Variants in GLRA2 observed in about 807,000 individuals in gnomAD.
GLRA2 encodes the protein glycine receptor alpha 2, also known as glycine receptor subunit alpha-2.
Under a neutral mutation model 31.6 loss-of-function variants are expected in GLRA2, and 11 were observed. The ratio of observed to expected loss-of-function variants is 0.35; its 90% confidence interval spans 0.22 to 0.58. GLRA2 has a LOEUF of 0.58. Among genes scored for constraint, GLRA2 ranks in the 20% least tolerant of loss-of-function variants. GLRA2 has a pLI of 0.84. For synonymous variants in GLRA2, 132 were observed against 134.0 expected (o/e 0.99, Z 0.10); for missense variants, 212 against 351.8 (o/e 0.60, Z 3.18).
rs935669945 is a variant in GLRA2 at position 14,714,131 on chromosome X, T to C, written c.1081-16076T>C. Among the ~76,000 whole-genome samples, 35 of 110,805 alleles carry C rather than the reference T, an allele frequency of 3.2e-4. No homozygotes were observed. In the Admixed American group the frequency reaches 3.4e-3, roughly 11 times the overall value. ...AGCTTGAACTGATTCTATTTCCTGA[T>C]ACTAGATATATTGCATAGCCCCACA... On this transcript the variant is annotated intron_variant, in intron 8 of 8. Transcript: ENST00000218075.
At chrX:14,492,177 T>G in the GLRA2 span, among the ~76,000 whole-genome samples, 1 of 111,119 alleles carries the variant, frequency 9.0e-6, no homozygotes, top group South Asian at 3.8e-4. Context: ...GATTTTCAAT[T>G]AACTCAGACA....
intron 7 of GLRA2, among the ~76,000 whole-genome samples, chrX:14,655,980 C>T (rs1238703132): frequency 8.9e-6 from 1 of 112,113 alleles, no homozygotes; most frequent in Non-Finnish European, 1.9e-5. Flanking sequence ...GTGTGATCCA[C>T]AAACCAGCAT....
chrX:14,601,804 AG>A (rs2090278598), intron 4 of GLRA2, among the ~76,000 whole-genome samples: 1 of 111,422 alleles, frequency 9.0e-6, no homozygotes, highest in Non-Finnish European at 1.9e-5. Flanking sequence ...AAGCAGAGAA[AG>A]GAAAAATAAA....
chrX:14,453,405 C>G, the GLRA2 span, among the ~76,000 whole-genome samples: 1 of 111,290 alleles, frequency 9.0e-6, no homozygotes, highest in South Asian at 3.8e-4. Context: ...CACAGAATAG[C>G]CCTCCTTCCA....
At chrX:14,582,841 CA>C (rs965083245) in intron 4 of GLRA2, among the ~76,000 whole-genome samples, 1 of 111,705 alleles carries the variant, frequency 9.0e-6, no homozygotes, top group African/African-American at 3.3e-5. Flanking sequence ...CATTATAGCT[CA>C]AAAGCAGCCA....
rs145869439 is a variant in GLRA2 at position 14,598,501 on chromosome X, T to C, written c.495-5814T>C. Among the ~76,000 whole-genome samples, 494 of 112,446 alleles carry C rather than the reference T, an allele frequency of 4.4e-3. 7 individuals carry two copies. Among genetic ancestry groups the C allele is most frequent in the African/African-American group, 0.015 (472 of 30,966 alleles). On this transcript the variant is annotated intron_variant, in intron 4 of 8. Transcript: ENST00000218075. Reference sequence around the variant, plus strand: ...AGCAATGTGAAAATAGCCCCAGCCATGGCCCTAACTAGTTGACCAAGGTTC... The same window carrying C: ...AGCAATGTGAAAATAGCCCCAGCCACGGCCCTAACTAGTTGACCAAGGTTC...
chrX:14,538,004 T>G (rs2089348252), intron 2 of GLRA2, among the ~76,000 whole-genome samples: 1 of 107,749 alleles, frequency 9.3e-6, no homozygotes, highest in South Asian at 4.3e-4. Flanking sequence ...AAACAACACA[T>G]TTGTATATAC....
chrX:14,591,220 T>C (rs1036501076), intron 4 of GLRA2, among the ~76,000 whole-genome samples: 7 of 111,829 alleles, frequency 6.3e-5, no homozygotes, highest in Admixed American at 2.8e-4. Context: ...TACATATATT[T>C]ATGAAAGGGA....
At chrX:14,690,540 CA>C (rs1004846887) in intron 7 of GLRA2, among the ~76,000 whole-genome samples, 169 bp from the exon 8 acceptor site, 2 of 112,021 alleles carry the variant, frequency 1.8e-5, no homozygotes, top group Non-Finnish European at 3.8e-5. Flanking sequence ...AAAGTAGAAT[CA>C]ATGGCTTAAG....
At chrX:14,531,427 T>C (rs1429475952) in intron 1 of GLRA2, among the ~76,000 whole-genome samples, 2 of 111,488 alleles carry the variant, frequency 1.8e-5, no homozygotes, top group Non-Finnish European at 3.8e-5. Context: ...AAACCAAATA[T>C]GCTATGTTTA....
intron 4 of GLRA2, among the ~76,000 whole-genome samples, chrX:14,595,563 T>C (rs945971788): frequency 8.9e-6 from 1 of 111,893 alleles, no homozygotes; most frequent in Non-Finnish European, 1.9e-5. Context: ...CTAACCAGAC[T>C]TGGACCAATT....
chrX:14,571,045 G>T (rs1009020558), intron 2 of GLRA2, among the ~76,000 whole-genome samples: 2 of 111,214 alleles, frequency 1.8e-5, no homozygotes, highest in Admixed American at 1.9e-4. Flanking sequence ...AAGAGAGAAA[G>T]GGAAGGGGGG....
the GLRA2 span, among the ~76,000 whole-genome samples, chrX:14,471,846 G>C: frequency 2.7e-5 from 3 of 112,002 alleles, no homozygotes; most frequent in Non-Finnish European, 5.6e-5. Flanking sequence ...GAGGTAACTG[G>C]GTTTTATACA....
At chrX:14,590,096 C>T (rs1030769702) in intron 4 of GLRA2, among the ~76,000 whole-genome samples, 1 of 111,652 alleles carries the variant, frequency 9.0e-6, no homozygotes, top group African/African-American at 3.3e-5. Context: ...CTGTTTACCT[C>T]ATCATCAACC....
the GLRA2 span, among the ~76,000 whole-genome samples, chrX:14,488,789 T>G: frequency 8.9e-6 from 1 of 112,674 alleles, no homozygotes; most frequent in South Asian, 3.6e-4. Flanking sequence ...AGAACCATCA[T>G]AAAATAATTT....
rs185121978 is a variant in GLRA2 at position 14,689,959 on chromosome X, T to C, written c.931-751T>C. ...CACTTAAGCAAACACTGAAGGGTTA[T>C]CAAAGTTTTCTTTTTAACCAGATAC... is the stretch of plus-strand genomic sequence containing the variant. On this transcript the variant is annotated intron_variant, in intron 7 of 8. Coordinates refer to ENST00000218075, the MANE Select transcript of GLRA2 (RefSeq NM_002063.4). Among the ~76,000 whole-genome samples, 948 of 112,372 alleles carry C rather than the reference T, an allele frequency of 8.4e-3. 22 individuals carry two copies. The highest frequency in any genetic ancestry group is 0.083 in the Admixed American group (882 of 10,598).
In GLRA2 at chrX:14,671,537, A is replaced by G. The variant is rs539921739; in HGVS notation, c.931-19173A>G. On this transcript the variant is annotated intron_variant, in intron 7 of 8. Transcript: ENST00000218075. ...GTAGAATTCTCTTCAGATTGCCCCAACAAGTACCAGGAAATCCAGGGTCTT... is the reference window on the plus strand; with the variant it reads ...GTAGAATTCTCTTCAGATTGCCCCAGCAAGTACCAGGAAATCCAGGGTCTT... Among the ~76,000 whole-genome samples the G allele has an allele frequency of 2.0e-4, 22 of 111,986 alleles. No homozygotes were observed. In the Middle Eastern group the frequency reaches 0.014, roughly 70 times the overall value.
At chrX:14,684,847 A>C (rs1481663366) in intron 7 of GLRA2, among the ~76,000 whole-genome samples, 1 of 110,907 alleles carries the variant, frequency 9.0e-6, no homozygotes, top group African/African-American at 3.3e-5. Flanking sequence ...AACTTCCAAC[A>C]CTATGTTGAA....
At chrX:14,497,561 G>A in the GLRA2 span, among the ~76,000 whole-genome samples, 3 of 111,151 alleles carry the variant, frequency 2.7e-5, no homozygotes, top group Admixed American at 1.9e-4. Context: ...ACAAACCACA[G>A]CACAGTCCTT....
Sources: allele counts gnomAD v4.1 joint callset (sites outside exome capture counted in the v4.1 genomes callset), GRCh38; gene constraint gnomAD v4.1.1; transcripts MANE v1.5; gene names NCBI Gene and HGNC (gene_info 2026-07-23, HGNC 2026-07-21).